FER1L6: variants seen among roughly 807,000 people sequenced by gnomAD.
FER1L6 encodes the protein fer-1-like protein 6.
FER1L6 carries 177 observed loss-of-function variants against 219.2 expected under a neutral mutation model. The observed-to-expected ratio is 0.81, with a 90% CI of 0.71 to 0.91. The LOEUF (loss-of-function observed/expected upper bound fraction) is 0.91, where lower values mean the gene tolerates loss of function less well. Ranked by LOEUF, FER1L6 falls within the 40% of genes least tolerant of loss-of-function variation. The probability of loss-of-function intolerance (pLI) is 0.00; values close to 1 mark genes in which losing one functional copy is unlikely to be tolerated. For synonymous variants in FER1L6, 768 were observed against 824.3 expected (o/e 0.93, Z 1.17); for missense variants, 2,153 against 2,259.9 (o/e 0.95, Z 0.96).
At chr8:123,923,156 T>C (rs1813427173) in intron 1 of FER1L6, among the ~76,000 whole-genome samples, 1 of 152,152 alleles carries the variant, frequency 6.6e-6, no homozygotes, top group African/African-American at 2.4e-5. Context: ...TTGCACCAAC[T>C]CCTCCAAGGG....
intron 1 of FER1L6, among the ~76,000 whole-genome samples, chr8:123,914,680 T>A (rs1262202809): frequency 2.0e-5 from 3 of 152,140 alleles, no homozygotes; most frequent in Admixed American, 2.0e-4. Flanking sequence ...GGAGAAGCCA[T>A]CCAAAGCCAA....
chr8:123,879,747 A>G (rs1281773496), intron 1 of FER1L6, among the ~76,000 whole-genome samples: 13 of 152,106 alleles, frequency 8.5e-5, no homozygotes, highest in Non-Finnish European at 1.3e-4. Flanking sequence ...ACTCACACAC[A>G]TTCACTCACT....
At chr8:123,871,060 G>C (rs867566226) in intron 1 of FER1L6, among the ~76,000 whole-genome samples, 4 of 152,166 alleles carry the variant, frequency 2.6e-5, no homozygotes, top group Non-Finnish European at 5.9e-5. Flanking sequence ...GATGGTAGGA[G>C]ACATTTTCTC....
chr8:123,943,180 A>G (rs1814332199), intron 1 of FER1L6, among the ~76,000 whole-genome samples: 1 of 152,248 alleles, frequency 6.6e-6, no homozygotes, highest in African/African-American at 2.4e-5. Flanking sequence ...AAAGTGCTCA[A>G]TAAATGTTAA....
At chr8:124,016,508 A>G (rs1231246463) in intron 15 of FER1L6, among the ~76,000 whole-genome samples, 2 of 151,886 alleles carry the variant, frequency 1.3e-5, no homozygotes, top group Non-Finnish European at 2.9e-5. Flanking sequence ...TTTCTTCTCA[A>G]TTCTCTCTCC....
chr8:124,072,800 C>T (rs965464631), intron 31 of FER1L6, among the ~76,000 whole-genome samples: 2 of 152,124 alleles, frequency 1.3e-5, no homozygotes, highest in Non-Finnish European at 2.9e-5. Context: ...GAAACACCAC[C>T]CTCAGGATGC....
At chr8:123,854,235 A>G (rs967072248) in intron 1 of FER1L6, among the ~76,000 whole-genome samples, 11 of 152,166 alleles carry the variant, frequency 7.2e-5, no homozygotes, top group African/African-American at 2.7e-4. Flanking sequence ...CCTTATGACA[A>G]CACTGAGAGG....
chr8:124,009,027 A>T (rs1817792863), intron 13 of FER1L6, among the ~76,000 whole-genome samples: 1 of 152,062 alleles, frequency 6.6e-6, no homozygotes, highest in South Asian at 2.1e-4. Context: ...CAAAAAAATA[A>T]AAAAAATAGA....
intron 19 of FER1L6, 26 bp downstream of exon 19, chr8:124,035,480 G>A: frequency 1.9e-6 from 3 of 1,588,338 alleles, no homozygotes; most frequent in Non-Finnish European, 2.6e-6. Flanking sequence ...GGCAAAGAGG[G>A]TCATTCGAGG....
intron 1 of FER1L6, among the ~76,000 whole-genome samples, chr8:123,863,879 C>A (rs1816785700): frequency 6.6e-6 from 1 of 151,182 alleles, no homozygotes; most frequent in African/African-American, 2.5e-5. Flanking sequence ...TGTGTCTCTG[C>A]ATGTGAGATG....
intron 11 of FER1L6, among the ~76,000 whole-genome samples, chr8:123,983,809 T>G (rs1816430099): frequency 6.6e-6 from 1 of 152,244 alleles, no homozygotes; most frequent in South Asian, 2.1e-4. Context: ...TCATACATAG[T>G]GCTCAATAAA....
chr8:123,903,222 T>A (rs1563679149), intron 1 of FER1L6, among the ~76,000 whole-genome samples: 1 of 152,190 alleles, frequency 6.6e-6, no homozygotes, highest in African/African-American at 2.4e-5. Context: ...ATATCTTGCT[T>A]TTATTATTAT....
chr8:123,978,858 G>T (rs1434575339), intron 10 of FER1L6, among the ~76,000 whole-genome samples: 4 of 152,152 alleles, frequency 2.6e-5, no homozygotes, highest in East Asian at 3.9e-4. Context: ...CATTATGGAA[G>T]TGTTTGCCAC....
chr8:123,933,720 C>T (rs1442353824), intron 1 of FER1L6, among the ~76,000 whole-genome samples: 2 of 152,238 alleles, frequency 1.3e-5, no homozygotes, highest in African/African-American at 2.4e-5. Flanking sequence ...ATGTAACTAT[C>T]ACTCAGATCT....
intron 31 of FER1L6, among the ~76,000 whole-genome samples, chr8:124,075,470 C>T (rs1177816218): frequency 1.3e-5 from 2 of 152,158 alleles, no homozygotes; most frequent in Non-Finnish European, 2.9e-5. Context: ...CTTATAATAA[C>T]ACCTTTTTCT....
chr8:123,944,992 T>G (rs1412769817), intron 1 of FER1L6, among the ~76,000 whole-genome samples: 3 of 152,232 alleles, frequency 2.0e-5, no homozygotes, highest in African/African-American at 7.2e-5. Flanking sequence ...GTTCAATATA[T>G]GGATTTCTCC....
chr8:124,015,690 T>A (rs986099252), intron 15 of FER1L6, among the ~76,000 whole-genome samples: 2 of 148,340 alleles, frequency 1.3e-5, no homozygotes, highest in Non-Finnish European at 3.0e-5. Flanking sequence ...CAATCCACAC[T>A]TTTAGAAACT....
At chr8:123,951,360 A>AT (rs1313410431) in intron 1 of FER1L6, among the ~76,000 whole-genome samples, 1 of 152,234 alleles carries the variant, frequency 6.6e-6, no homozygotes, top group Admixed American at 6.5e-5. Flanking sequence ...AGAACATTGA[A>AT]TAGGTAAGTT....
At chr8:124,057,534 T>G (rs1448112886) in intron 22 of FER1L6, among the ~76,000 whole-genome samples, 1 of 152,206 alleles carries the variant, frequency 6.6e-6, no homozygotes, top group Non-Finnish European at 1.5e-5. Flanking sequence ...TCAGCCTTTA[T>G]CTATTCAAAG....
Sources: gnomAD v4.1 joint callset for allele counts (sites outside exome capture counted in the v4.1 genomes callset) on GRCh38, gnomAD v4.1.1 for gene constraint, MANE v1.5 for transcripts, NCBI Gene and HGNC (gene_info 2026-07-23, HGNC 2026-07-21) for gene names.